The following LYRM1 variants were observed in gnomAD, a reference collection of about 807,000 sequenced individuals.
The protein encoded by LYRM1 is LYR motif containing 1, also known as LYR motif-containing protein 1.
Under a neutral mutation model 14.9 loss-of-function variants are expected in LYRM1, and 14 were observed. The observed-to-expected ratio is 0.94, with a 90% CI of 0.62 to 1.47. The LOEUF is 1.47. Among genes scored for constraint, LYRM1 ranks in the 40% most tolerant of loss-of-function variants. The pLI is 0.00. For synonymous variants in LYRM1, 43 were observed against 56.2 expected (o/e 0.77, Z 1.05); for missense variants, 153 against 149.9 (o/e 1.02, Z -0.11).
intron 2 of LYRM1, among the ~76,000 whole-genome samples, chr16:20,919,531 GC>G (rs1452030565): frequency 3.9e-5 from 6 of 152,292 alleles, no homozygotes; most frequent in Admixed American, 3.9e-4. Flanking sequence ...ATGCATGTAA[GC>G]AAAGTAATTT....
At chr16:20,915,756 TC>T (rs1454164192) in intron 2 of LYRM1, 42 bp downstream of exon 2, 2 of 1,592,914 alleles carry the variant, frequency 1.3e-6, no homozygotes, top group Non-Finnish European at 1.7e-6. Flanking sequence ...GGAGAGTTGT[TC>T]CTTATGATAT....
chr16:20,903,704 A>T (rs763492060), intron 1 of LYRM1, among the ~76,000 whole-genome samples: 1 of 151,994 alleles, frequency 6.6e-6, no homozygotes, highest in African/African-American at 2.4e-5. Flanking sequence ...AAAGTTGCGC[A>T]TTCAGTAGTT....
intron 1 of LYRM1, among the ~76,000 whole-genome samples, chr16:20,903,285 C>T (rs1489222871): frequency 6.6e-6 from 1 of 152,216 alleles, no homozygotes; most frequent in South Asian, 2.1e-4. Flanking sequence ...GAGGTTCCTA[C>T]ACAGCAACTG....
chr16:20,917,398 T>G (rs2082959312), intron 2 of LYRM1, among the ~76,000 whole-genome samples: 1 of 151,796 alleles, frequency 6.6e-6, no homozygotes, highest in Admixed American at 6.6e-5. Flanking sequence ...AATTTATAAA[T>G]TAATACATTT....
At chr16:20,910,306 T>C (rs562888499) in intron 1 of LYRM1, among the ~76,000 whole-genome samples, 2 of 152,358 alleles carry the variant, frequency 1.3e-5, no homozygotes, top group East Asian at 1.9e-4. Flanking sequence ...TAGGACACAA[T>C]GGTGAATACA....
At chr16:20,900,954 C>A (rs1228224559) in intron 1 of LYRM1, 65 bp downstream of exon 1, 1 of 152,752 alleles carries the variant, frequency 6.5e-6, no homozygotes, top group South Asian at 2.1e-4. Context: ...GGGTTGGCTC[C>A]CCACGGGCAG....
At position 20,915,592 on chromosome 16, in the gene LYRM1, T is replaced by C; in HGVS notation, c.37T>C (p.Tyr13His). Reference sequence around the variant, plus strand: ...AACACGACAAGAAGTCCTTGGCCTCTACCGCAGCATTTTCAGGCTTGCGAG... The same window carrying C: ...AACACGACAAGAAGTCCTTGGCCTCCACCGCAGCATTTTCAGGCTTGCGAG... ...TATRQEVLGLYRSIFRLARKW... is the reference protein window; with the variant it reads ...TATRQEVLGLHRSIFRLARKW... The change falls in exon 2 of 4, where the codon TAC becomes CAC. Residue 13 changes from tyrosine (Y) to histidine (H), a missense_variant. By Grantham distance (83) the Tyr-to-His change is moderately conservative (BLOSUM62 2). Transcript: ENST00000567954. 4 of 1,614,094 alleles carry C rather than the reference T, an allele frequency of 2.5e-6. No homozygotes were observed. The highest frequency in any genetic ancestry group is 3.4e-6 in the Non-Finnish European group (4 of 1,180,006).
At chr16:20,913,956 T>G (rs980098447) in intron 1 of LYRM1, among the ~76,000 whole-genome samples, 1 of 151,770 alleles carries the variant, frequency 6.6e-6, no homozygotes, top group Non-Finnish European at 1.5e-5. Context: ...CGATAGGCAC[T>G]CACCACAACG....
intron 1 of LYRM1, among the ~76,000 whole-genome samples, chr16:20,905,362 G>A (rs1010587696): frequency 1.3e-5 from 2 of 152,152 alleles, no homozygotes; most frequent in Admixed American, 6.5e-5. Context: ...GTAAAGTCAA[G>A]ATTCAAACCC....
intron 2 of LYRM1, among the ~76,000 whole-genome samples, chr16:20,916,349 G>A (rs994800448): frequency 2.6e-5 from 4 of 152,110 alleles, no homozygotes; most frequent in African/African-American, 9.7e-5. Context: ...TAGCTCCGGG[G>A]AAGACCTCCC....
Position 20,917,347 on chromosome 16 carries a change from T to G in LYRM1, c.159+1633T>G, listed in dbSNP as rs556132373. On this transcript the variant is annotated intron_variant, in intron 2 of 3. Coordinates refer to ENST00000567954, the MANE Select transcript of LYRM1 (RefSeq NM_001128302.3). ...TCCTTTCATCTTTCTAAAAAGTCTG[T>G]CTGGTACACAGTTACAATGAACTTG... Among the ~76,000 whole-genome samples the G allele has an allele frequency of 1.5e-3, 230 of 152,176 alleles. 1 individual carries two copies. The highest frequency in any genetic ancestry group is 5.3e-3 in the African/African-American group (222 of 41,546).
chr16:20,915,760 TATG>T (rs1567458534), intron 2 of LYRM1, 46 bp downstream of exon 2: 4 of 1,587,890 alleles, frequency 2.5e-6, no homozygotes, highest in South Asian at 1.1e-5. Flanking sequence ...AGTTGTTCCT[TATG>T]ATATTTGTTT....
intron 1 of LYRM1, among the ~76,000 whole-genome samples, chr16:20,908,162 G>T (rs543923565): frequency 6.6e-6 from 1 of 152,172 alleles, no homozygotes; most frequent in East Asian, 1.9e-4. Flanking sequence ...AGAGCAAAGC[G>T]GTGCAGCCAT....
chr16:20,910,182 A>T (rs2082520561), intron 1 of LYRM1, among the ~76,000 whole-genome samples: 1 of 152,220 alleles, frequency 6.6e-6, no homozygotes, highest in South Asian at 2.1e-4. Context: ...GCAAGAAAGA[A>T]CATGGTTCCC....
intron 1 of LYRM1, among the ~76,000 whole-genome samples, chr16:20,912,986 A>G (rs1386321784): frequency 6.6e-6 from 1 of 151,800 alleles, no homozygotes; most frequent in Non-Finnish European, 1.5e-5. Context: ...TAATCACTTG[A>G]ACCTGGGAGG....
intron 2 of LYRM1, among the ~76,000 whole-genome samples, chr16:20,917,549 C>T (rs1596781925): frequency 6.6e-6 from 1 of 152,174 alleles, no homozygotes; most frequent in East Asian, 1.9e-4. Context: ...CACTTGAGGT[C>T]AGAAGTTTAA....
chr16:20,917,505 A>C (rs2082966861), intron 2 of LYRM1, among the ~76,000 whole-genome samples: 1 of 152,142 alleles, frequency 6.6e-6, no homozygotes, highest in Non-Finnish European at 1.5e-5. Context: ...CACGCCTATA[A>C]TCCTTACACT....
Position 20,904,298 on chromosome 16 carries a change from G to A in LYRM1, c.-1+3409G>A, listed in dbSNP as rs76340107. On this transcript the variant is annotated intron_variant, in intron 1 of 3. Coordinates refer to ENST00000567954, the MANE Select transcript of LYRM1 (RefSeq NM_001128302.3). Reference sequence around the variant, plus strand: ...ACAAATATAATCTTGTGTGCGCTCCGGTGCTGGTATGATATATTTAGAATG... The same window carrying A: ...ACAAATATAATCTTGTGTGCGCTCCAGTGCTGGTATGATATATTTAGAATG... Among the ~76,000 whole-genome samples, 7 of 152,190 alleles carry A rather than the reference G, an allele frequency of 4.6e-5. No individual in the cohort carries two copies. In the East Asian group the frequency reaches 1.2e-3, roughly 25 times the overall value.
At chr16:20,922,754 C>G (rs1173729926) in intron 3 of LYRM1, among the ~76,000 whole-genome samples, 1 of 152,186 alleles carries the variant, frequency 6.6e-6, no homozygotes, top group Admixed American at 6.5e-5. Context: ...TCCCAAAGTG[C>G]TGGGATTACA....
Sources: gnomAD v4.1 joint callset for allele counts (sites outside exome capture counted in the v4.1 genomes callset) on GRCh38, gnomAD v4.1.1 for gene constraint, MANE v1.5 for transcripts, NCBI Gene and HGNC (gene_info 2026-07-23, HGNC 2026-07-21) for gene names.